The following LRRC4C variants were observed in gnomAD, a reference collection of about 807,000 sequenced individuals.
LRRC4C encodes the protein leucine rich repeat containing 4C, also known as leucine-rich repeat-containing protein 4C.
A neutral mutation model predicts 33.6 loss-of-function variants in LRRC4C; 5 were observed. The ratio of observed to expected loss-of-function variants is 0.15; its 90% CI spans 0.08 to 0.31. LRRC4C has a LOEUF of 0.31. Ranked by LOEUF, LRRC4C falls within the 10% of genes least tolerant of loss-of-function variation. The pLI is 1.00. For synonymous variants in LRRC4C, 329 were observed against 302.0 expected, an observed-to-expected ratio of 1.09 and a Z score of -0.93; for missense variants, 560 against 796.7, an observed-to-expected ratio of 0.70 and a Z score of 3.58.
intron 5 of LRRC4C, among the ~76,000 whole-genome samples, chr11:40,210,659 CTTG>C (rs910443846): frequency 2.0e-5 from 3 of 152,306 alleles, no homozygotes; most frequent in African/African-American, 4.8e-5. Context: ...CTTTGCCCTC[CTTG>C]TTGTTCCTGA....
intron 2 of LRRC4C, among the ~76,000 whole-genome samples, chr11:40,908,528 A>C (rs1178813952): frequency 6.6e-6 from 1 of 152,154 alleles, no homozygotes; most frequent in Non-Finnish European, 1.5e-5. Context: ...AACAGAACTC[A>C]AAAAGTGGTA....
At chr11:41,301,305 A>T (rs988501916) in intron 1 of LRRC4C, among the ~76,000 whole-genome samples, 2 of 152,202 alleles carry the variant, frequency 1.3e-5, no homozygotes, top group African/African-American at 4.8e-5. Context: ...GTGTGCTGAA[A>T]AAGAAAGAAT....
rs575663162 is a variant in LRRC4C at position 40,336,219 on chromosome 11, C to G, written c.-269-16498G>C. ...ACACAGGCAGCTATTCGCTGAACCT[C>G]TCTCCTCTTTTTTTCTTGACAGACC... On this transcript the variant is annotated intron_variant, in intron 3 of 6. Coordinates refer to ENST00000528697, the MANE Select transcript of LRRC4C (RefSeq NM_001258419.2). Among the ~76,000 whole-genome samples, 45 of 152,294 alleles carry G rather than the reference C, an allele frequency of 3.0e-4. 1 individual carries two copies. In the South Asian group the frequency reaches 9.3e-3, roughly 32 times the overall value.
At chr11:40,528,928 T>G (rs1268631512) in intron 3 of LRRC4C, among the ~76,000 whole-genome samples, 1 of 152,134 alleles carries the variant, frequency 6.6e-6, no homozygotes, top group Non-Finnish European at 1.5e-5. Flanking sequence ...ATGAGGTTTC[T>G]AAAATAGTCA....
chr11:41,032,907 A>C (rs961108529), intron 1 of LRRC4C, among the ~76,000 whole-genome samples: 2 of 152,050 alleles, frequency 1.3e-5, no homozygotes, highest in African/African-American at 4.8e-5. Flanking sequence ...ATCAACATAC[A>C]AGCATCATTT....
intron 1 of LRRC4C, among the ~76,000 whole-genome samples, chr11:41,111,451 G>A (rs1941826013): frequency 6.6e-6 from 1 of 151,966 alleles, no homozygotes; most frequent in South Asian, 2.1e-4. Context: ...TCCACTTCCT[G>A]TAGATAAAGT....
intron 5 of LRRC4C, among the ~76,000 whole-genome samples, chr11:40,144,448 A>T (rs1857582882): frequency 6.6e-6 from 1 of 152,174 alleles, no homozygotes; most frequent in Non-Finnish European, 1.5e-5. Flanking sequence ...TTGTCCCCAG[A>T]TGTATTATTA....
intron 1 of LRRC4C, among the ~76,000 whole-genome samples, chr11:40,980,198 A>G (rs1214685137): frequency 6.6e-6 from 1 of 152,210 alleles, no homozygotes; most frequent in Non-Finnish European, 1.5e-5. Context: ...TCACAAAAGC[A>G]CTAAAATGGG....
chr11:40,766,353 T>TAAAAAAAAAAAAAAAAAAAAAAAAAAAA (rs60152534), intron 2 of LRRC4C, among the ~76,000 whole-genome samples: 2 of 33,902 alleles, frequency 5.9e-5, no homozygotes, highest in African/African-American at 2.1e-4. Flanking sequence ...TTCAGTCTGT[T>TAAAAAAAAAAAAAAAAAAAAAAAAAAAA]AAAAAAAAAA....
chr11:40,906,782 C>T (rs1305799426), intron 2 of LRRC4C, among the ~76,000 whole-genome samples: 4 of 151,496 alleles, frequency 2.6e-5, no homozygotes, highest in East Asian at 3.9e-4. Flanking sequence ...TCTATATGTA[C>T]GTGTGTATAT....
intron 3 of LRRC4C, among the ~76,000 whole-genome samples, chr11:40,550,342 A>G (rs1275860891): frequency 1.3e-5 from 2 of 152,152 alleles, no homozygotes; most frequent in Non-Finnish European, 2.9e-5. Context: ...GTCCTGCCCC[A>G]GAACATTTTA....
intron 1 of LRRC4C, among the ~76,000 whole-genome samples, chr11:41,096,924 T>G (rs1005964272): frequency 6.6e-6 from 1 of 152,180 alleles, no homozygotes; most frequent in Non-Finnish European, 1.5e-5. Context: ...CATTTGAACT[T>G]GATTACAGTT....
intron 1 of LRRC4C, among the ~76,000 whole-genome samples, chr11:41,284,156 T>A (rs560871447): frequency 6.6e-6 from 1 of 152,340 alleles, no homozygotes; most frequent in East Asian, 1.9e-4. Flanking sequence ...TGATTACGTT[T>A]CATTGAGAAA....
intron 2 of LRRC4C, among the ~76,000 whole-genome samples, chr11:40,740,558 T>C (rs1373724771): frequency 1.3e-5 from 2 of 152,086 alleles, no homozygotes; most frequent in African/African-American, 4.8e-5. Context: ...TCATCAATTG[T>C]ATAGTTTGCA....
intron 3 of LRRC4C, among the ~76,000 whole-genome samples, chr11:40,459,180 A>C (rs1952273204): frequency 6.6e-6 from 1 of 152,228 alleles, no homozygotes; most frequent in Non-Finnish European, 1.5e-5. Flanking sequence ...CTTCTATTTT[A>C]TAAGTGTTCT....
At chr11:40,865,429 G>A (rs963500894) in intron 2 of LRRC4C, among the ~76,000 whole-genome samples, 2 of 151,678 alleles carry the variant, frequency 1.3e-5, no homozygotes, top group African/African-American at 4.8e-5. Flanking sequence ...TAAACAAAAT[G>A]TTAAGTATTC....
At chr11:40,146,719 A>G (rs1242437708) in intron 5 of LRRC4C, among the ~76,000 whole-genome samples, 1 of 152,192 alleles carries the variant, frequency 6.6e-6, no homozygotes, top group Non-Finnish European at 1.5e-5. Context: ...CTCAGATGAT[A>G]TGTTTTCCTT....
rs187596774 is a variant in LRRC4C at position 40,243,752 on chromosome 11, T to C, written c.-175-2154A>G. 3.6e-3 allele frequency among the ~76,000 whole-genome samples: 526 copies of C among 147,060 alleles called. 2 individuals are homozygous for C. The highest frequency in any genetic ancestry group is 0.021 in the Middle Eastern group (6 of 280). On this transcript the variant is annotated intron_variant, in intron 4 of 6. Transcript: ENST00000528697. ...TCTCCCAGGCTGAAGTGCAATGGCGTGAACTTGGCTTGCTACATCCTCTTC... is the reference window on the plus strand; with the variant it reads ...TCTCCCAGGCTGAAGTGCAATGGCGCGAACTTGGCTTGCTACATCCTCTTC...
At chr11:40,608,156 T>G (rs1315369829) in intron 3 of LRRC4C, among the ~76,000 whole-genome samples, 1 of 151,914 alleles carries the variant, frequency 6.6e-6, no homozygotes, top group Non-Finnish European at 1.5e-5. Flanking sequence ...GGTATAGGAG[T>G]TAAAAAATAA....
Sources: gnomAD v4.1 joint callset for allele counts (sites outside exome capture counted in the v4.1 genomes callset) on GRCh38, gnomAD v4.1.1 for gene constraint, MANE v1.5 for transcripts, NCBI Gene and HGNC (gene_info 2026-07-23, HGNC 2026-07-21) for gene names.